The following MROH2B variants were observed in gnomAD, a reference collection of about 807,000 sequenced individuals.
MROH2B encodes maestro heat-like repeat-containing protein family member 2B.
Under a neutral mutation model 208.6 loss-of-function variants are expected in MROH2B, and 177 were observed. The ratio of observed to expected loss-of-function variants is 0.85; its 90% CI spans 0.75 to 0.96. The LOEUF is 0.96. Ranked by LOEUF, MROH2B falls within the 40% of genes least tolerant of loss-of-function variation. The pLI is 0.00. For synonymous variants in MROH2B, 728 were observed against 659.0 expected, an observed-to-expected ratio of 1.10 and a Z score of -1.60; for missense variants, 2,002 against 1,878.7, an observed-to-expected ratio of 1.07 and a Z score of -1.21.
At chr5:41,048,247 C>A (rs1157355788) in intron 16 of MROH2B, 77 bp downstream of exon 16, 1 of 1,491,830 alleles carries the variant, frequency 6.7e-7, no homozygotes, top group Admixed American at 2.4e-5. Context: ...GCATTAATGG[C>A]TTTACACAGA....
intron 6 of MROH2B, among the ~76,000 whole-genome samples, chr5:41,060,308 A>G (rs949693231): frequency 2.6e-5 from 4 of 152,020 alleles, no homozygotes; most frequent in African/African-American, 4.8e-5. Context: ...GTTAATGTTG[A>G]TATTAGAATG....
intron 24 of MROH2B, 40 bp downstream of exon 24, chr5:41,032,702 G>T: frequency 6.5e-7 from 1 of 1,538,894 alleles, no homozygotes; most frequent in Non-Finnish European, 8.9e-7. Context: ...GGATAAGGGG[G>T]AAAATACTTT....
intron 6 of MROH2B, among the ~76,000 whole-genome samples, chr5:41,060,586 G>A (rs771050204): frequency 3.7e-4 from 56 of 152,016 alleles, no homozygotes; most frequent in Non-Finnish European, 5.4e-4. Flanking sequence ...ATGCACCTTC[G>A]CTGTGGTGAG....
In MROH2B at chr5:41,039,466, A is replaced by G. The variant is rs1000769888; in HGVS notation, c.2043T>C (p.Phe681=). Residue 681 remains phenylalanine (F), a synonymous_variant, in exon 20 of 42, where the codon TTT becomes TTC. Coordinates refer to ENST00000399564, the MANE Select transcript of MROH2B (RefSeq NM_173489.5). ...TTCTTACCTTACATCGATTCATGAAAAACTTTTCCTGATTTTGGAATGTTT... is the reference window on the plus strand; with the variant it reads ...TTCTTACCTTACATCGATTCATGAAGAACTTTTCCTGATTTTGGAATGTTT... ...VLKTFQNQEK[F]FMNRCKSLFS... 3 of 1,596,118 alleles carry G rather than the reference A, an allele frequency of 1.9e-6. No homozygotes were observed. The highest frequency in any genetic ancestry group is 2.6e-6 in the Non-Finnish European group (3 of 1,169,258).
At chr5:41,044,625 C>T (rs938951290) in intron 18 of MROH2B, among the ~76,000 whole-genome samples, 5 of 152,082 alleles carry the variant, frequency 3.3e-5, no homozygotes, top group African/African-American at 1.2e-4. Context: ...GAGCATTACT[C>T]GCCAAATTTT....
intron 24 of MROH2B, among the ~76,000 whole-genome samples, chr5:41,028,465 C>G (rs144089689): frequency 7.2e-5 from 11 of 152,292 alleles, no homozygotes; most frequent in Non-Finnish European, 1.3e-4. Context: ...CCATTTCCTA[C>G]CCACCACTGA....
intron 12 of MROH2B, 41 bp downstream of exon 12, chr5:41,052,418 ACTGTAC>A (rs1399102718): frequency 1.3e-6 from 2 of 1,512,728 alleles, no homozygotes; most frequent in Admixed American, 3.9e-5. Flanking sequence ...AGTTGAGCGA[ACTGTAC>A]TTTTTATAGT....
intron 24 of MROH2B, among the ~76,000 whole-genome samples, chr5:41,025,185 A>G (rs895425544): frequency 6.6e-6 from 1 of 152,194 alleles, no homozygotes; most frequent in Admixed American, 6.5e-5. Flanking sequence ...AACTAAGATC[A>G]GAGCAGAACC....
chr5:41,048,570 G>T, intron 15 of MROH2B, 105 bp from the exon 16 acceptor site: 1 of 1,244,214 alleles, frequency 8.0e-7, no homozygotes, highest in Non-Finnish European at 1.1e-6. Context: ...TTCTGCATTG[G>T]ATAATCTTTT....
chr5:41,069,579 C>G, intron 2 of MROH2B, 112 bp downstream of exon 2: 1 of 772,688 alleles, frequency 1.3e-6, no homozygotes, highest in Non-Finnish European at 2.2e-6. Flanking sequence ...AAATCTAATG[C>G]CATGTAACAA....
intron 1 of MROH2B, among the ~76,000 whole-genome samples, chr5:41,070,286 T>C (rs769920633): frequency 3.3e-5 from 5 of 152,176 alleles, no homozygotes; most frequent in Non-Finnish European, 5.9e-5. Flanking sequence ...CCTAAATGTG[T>C]TTGACTTGCA....
At chr5:41,055,566 T>C (rs1443197902) in intron 10 of MROH2B, among the ~76,000 whole-genome samples, 176 bp downstream of exon 10, 6 of 152,126 alleles carry the variant, frequency 3.9e-5, no homozygotes, top group Non-Finnish European at 7.4e-5. Context: ...GAGAAGTAAC[T>C]AAAGATGCCT....
At chr5:41,005,413 A>AGTCCCC in intron 35 of MROH2B, 118 bp downstream of exon 35, 1 of 202,686 alleles carries the variant, frequency 4.9e-6, no homozygotes. Context: ...CCTCTATGAA[A>AGTCCCC]CCCCCCCCCC....
chr5:41,066,359 T>A (rs1743815124), intron 3 of MROH2B, among the ~76,000 whole-genome samples: 1 of 152,178 alleles, frequency 6.6e-6, no homozygotes, highest in Non-Finnish European at 1.5e-5. Flanking sequence ...TAGGTTGGAA[T>A]GAATTACTGA....
At position 41,067,326 on chromosome 5, in the gene MROH2B, A is replaced by G; in HGVS notation, c.91-108T>C. On this transcript the variant is annotated intron_variant, in intron 2 of 41. Transcript: ENST00000399564. ...AAAGTAAGCAATATATCTTTACTAC[A>G]CAATGGATTTCATATTATATGTCTT... is the stretch of plus-strand genomic sequence containing the variant. 2 of 634,736 alleles carry G rather than the reference A, an allele frequency of 3.2e-6. 1 individual carries two copies. Among genetic ancestry groups the G allele is most frequent in the Middle Eastern group, 8.4e-4 (2 of 2,370 alleles). The allele number at this position is 634,736 out of a possible 1,614,324, so 39.3% of individuals were successfully genotyped here.
chr5:41,060,550 A>G (rs533543076), intron 6 of MROH2B, among the ~76,000 whole-genome samples: 1 of 152,078 alleles, frequency 6.6e-6, no homozygotes, highest in African/African-American at 2.4e-5. Context: ...CCTCTGCCTC[A>G]GTAGGTTTTA....
intron 30 of MROH2B, among the ~76,000 whole-genome samples, chr5:41,010,664 A>G (rs1457785594): frequency 6.6e-6 from 1 of 152,204 alleles, no homozygotes; most frequent in Non-Finnish European, 1.5e-5. Context: ...AGGGCAGTGC[A>G]ACCACTCTGT....
At chr5:41,062,471 T>C (rs1743671422) in intron 5 of MROH2B, among the ~76,000 whole-genome samples, 1 of 152,226 alleles carries the variant, frequency 6.6e-6, no homozygotes, top group Admixed American at 6.5e-5. Flanking sequence ...TGGACACTTC[T>C]GATTTGCGTG....
intron 24 of MROH2B, among the ~76,000 whole-genome samples, chr5:41,031,306 C>CTCATGAGAACTCACTCACTA (rs1450777338): frequency 6.6e-6 from 1 of 152,052 alleles, no homozygotes; most frequent in Non-Finnish European, 1.5e-5. Context: ...ACTATCAGAT[C>CTCATGAGAACTCACTCACTA]TCATGAGAAC....
Sources: gnomAD v4.1 joint callset for allele counts (sites outside exome capture counted in the v4.1 genomes callset) on GRCh38, gnomAD v4.1.1 for gene constraint, MANE v1.5 for transcripts, NCBI Gene and HGNC (gene_info 2026-07-23, HGNC 2026-07-21) for gene names.